CTNNA3: variants seen among roughly 807,000 people sequenced by gnomAD.
CTNNA3 encodes catenin alpha 3, also known as catenin alpha-3.
A neutral mutation model predicts 95.7 loss-of-function variants in CTNNA3; 76 were observed. The observed-to-expected ratio is 0.79, with a 90% CI of 0.66 to 0.96. The LOEUF (loss-of-function observed/expected upper bound fraction) is 0.96. Among genes scored for constraint, CTNNA3 ranks in the 40% least tolerant of loss-of-function variants. CTNNA3 has a pLI of 0.00. For missense variants in CTNNA3, 1,191 were observed against 1,089.8 expected (o/e 1.09, Z -1.31); for synonymous variants, 431 against 374.4 (o/e 1.15, Z -1.74).
chr10:67,307,483 T>TTTGGTTGG (rs368282908), intron 5 of CTNNA3, among the ~76,000 whole-genome samples: 1 of 151,216 alleles, frequency 6.6e-6, no homozygotes, highest in Admixed American at 6.6e-5. Flanking sequence ...TGTTTGTTTG[T>TTTGGTTGG]TTGGTTGGTT....
chr10:66,852,958 T>C (rs1420339318), intron 7 of CTNNA3, among the ~76,000 whole-genome samples: 8 of 152,280 alleles, frequency 5.3e-5, no homozygotes, highest in Non-Finnish European at 1.2e-4. Context: ...TTGAGAGCTA[T>C]AGTTAGAGTT....
chr10:67,597,764 G>A (rs1285879011), intron 3 of CTNNA3, among the ~76,000 whole-genome samples: 2 of 152,266 alleles, frequency 1.3e-5, no homozygotes, highest in African/African-American at 2.4e-5. Context: ...GGGCGGTGGG[G>A]GCTGTGCATG....
intron 5 of CTNNA3, among the ~76,000 whole-genome samples, chr10:67,383,711 T>C (rs191265412): frequency 9.2e-5 from 14 of 152,250 alleles, no homozygotes; most frequent in African/African-American, 1.4e-4. Context: ...AATTTAAATA[T>C]AGAATGAGTC....
rs183053400 is a variant in CTNNA3, at chr10:66,733,010, G to A, written c.1281+33254C>T. On this transcript the variant is annotated intron_variant, in intron 9 of 17. Transcript: ENST00000433211. The stretch of plus-strand genomic sequence containing the variant: ...GAGGTTTCACCATGTTGAACTGGCT[G>A]GTCTTGAATTCCTGATCTCAAGTGA... Among the ~76,000 whole-genome samples the A allele has an allele frequency of 7.9e-5, 12 of 151,994 alleles. No individual in the cohort carries two copies. The East Asian group carries it at 2.3e-3, about 29-fold the overall frequency.
chr10:66,878,454 T>C (rs1262097865), intron 7 of CTNNA3, among the ~76,000 whole-genome samples: 1 of 152,146 alleles, frequency 6.6e-6, no homozygotes, highest in Non-Finnish European at 1.5e-5. Context: ...GCTGCCAGTA[T>C]TCACAACAAA....
At chr10:66,009,265 G>A (rs892942166) in intron 15 of CTNNA3, among the ~76,000 whole-genome samples, 1 of 152,092 alleles carries the variant, frequency 6.6e-6, no homozygotes, top group Non-Finnish European at 1.5e-5. Flanking sequence ...ATCTTGTTCT[G>A]TTTGGGCTTC....
intron 16 of CTNNA3, among the ~76,000 whole-genome samples, chr10:65,985,767 C>G (rs1207359837): frequency 6.6e-6 from 1 of 151,388 alleles, no homozygotes; most frequent in Non-Finnish European, 1.5e-5. Context: ...AACTGAATGG[C>G]CTAGCCAGAA....
intron 7 of CTNNA3, among the ~76,000 whole-genome samples, chr10:66,953,802 C>G (rs992128205): frequency 6.6e-6 from 1 of 151,856 alleles, no homozygotes; most frequent in Non-Finnish European, 1.5e-5. Flanking sequence ...AAAAATTAGC[C>G]CAAGGCTTTG....
intron 5 of CTNNA3, among the ~76,000 whole-genome samples, chr10:67,278,758 T>C (rs187212736): frequency 1.3e-5 from 2 of 152,294 alleles, no homozygotes; most frequent in African/African-American, 4.8e-5. Context: ...CAAGAGTCTT[T>C]GCAGGTCAAT....
At chr10:67,738,933 G>C (rs970504236) in intron 1 of CTNNA3, among the ~76,000 whole-genome samples, 5 of 152,170 alleles carry the variant, frequency 3.3e-5, no homozygotes, top group African/African-American at 1.2e-4. Context: ...CAAGAAATAT[G>C]GGACTATGTG....
At chr10:67,084,512 A>G (rs1857203541) in intron 7 of CTNNA3, among the ~76,000 whole-genome samples, 1 of 151,900 alleles carries the variant, frequency 6.6e-6, no homozygotes, top group East Asian at 1.9e-4. Flanking sequence ...ACAGCAGAAC[A>G]CCCTCAGCCA....
intron 13 of CTNNA3, among the ~76,000 whole-genome samples, chr10:66,115,641 A>T (rs930225551): frequency 2.0e-5 from 3 of 151,988 alleles, no homozygotes; most frequent in African/African-American, 7.3e-5. Context: ...ATAGAGATAT[A>T]AACTGACACG....
intron 1 of CTNNA3, among the ~76,000 whole-genome samples, chr10:67,657,247 C>A (rs1398958222): frequency 1.3e-5 from 2 of 152,026 alleles, no homozygotes; most frequent in African/African-American, 4.8e-5. Context: ...GAAGAAGAGT[C>A]CAGCTGGGGA....
chr10:67,060,159 A>T (rs927674242), intron 7 of CTNNA3, among the ~76,000 whole-genome samples: 1 of 152,072 alleles, frequency 6.6e-6, no homozygotes, highest in Non-Finnish European at 1.5e-5. Context: ...CCACAAAAAA[A>T]TACATAAAAT....
intron 11 of CTNNA3, among the ~76,000 whole-genome samples, chr10:66,491,478 G>T (rs1839920792): frequency 6.6e-6 from 1 of 152,086 alleles, no homozygotes; most frequent in Non-Finnish European, 1.5e-5. Context: ...CCAAAGAAAT[G>T]CACAGAATTA....
chr10:67,693,170 TAA>T (rs1320435256), intron 1 of CTNNA3, among the ~76,000 whole-genome samples: 2 of 152,208 alleles, frequency 1.3e-5, no homozygotes, highest in African/African-American at 4.8e-5. Flanking sequence ...ATAATGTGGT[TAA>T]AAACAGTATT....
intron 2 of CTNNA3, among the ~76,000 whole-genome samples, chr10:67,623,605 G>C (rs1843922951): frequency 6.6e-6 from 1 of 152,078 alleles, no homozygotes; most frequent in Non-Finnish European, 1.5e-5. Flanking sequence ...TAGAGAAGAA[G>C]CTGAAAGGGA....
At chr10:67,321,051 CT>C (rs1841300183) in intron 5 of CTNNA3, among the ~76,000 whole-genome samples, 1 of 152,174 alleles carries the variant, frequency 6.6e-6, no homozygotes. Flanking sequence ...CCATTAAAAC[CT>C]GTAAGAATCT....
At position 66,796,160 on chromosome 10, in the gene CTNNA3, C is replaced by T. The variant is rs73310880; in HGVS notation, c.1048-20636G>A. Among the ~76,000 whole-genome samples, 1,285 of 152,228 alleles carry T rather than the reference C, an allele frequency of 8.4e-3. 19 individuals are homozygous for T. Among genetic ancestry groups the T allele is most frequent in the African/African-American group, 0.029 (1,208 of 41,552 alleles). On this transcript the variant is annotated intron_variant, in intron 7 of 17. Coordinates refer to ENST00000433211, the MANE Select transcript of CTNNA3 (RefSeq NM_013266.4). The stretch of plus-strand genomic sequence containing the variant: ...TGGCTAACTGGTGAAAAAGGCCTAG[C>T]GTTTGGCCTGTCTTGGCTTTTGATA...
Sources: allele counts gnomAD v4.1 joint callset (sites outside exome capture counted in the v4.1 genomes callset), GRCh38; gene constraint gnomAD v4.1.1; transcripts MANE v1.5; gene names NCBI Gene and HGNC (gene_info 2026-07-23, HGNC 2026-07-21).